The following SPAG17 variants were observed in gnomAD, a reference collection of about 807,000 sequenced individuals.
SPAG17 encodes the protein sperm-associated antigen 17.
A neutral mutation model predicts 273.6 loss-of-function variants in SPAG17; 169 were observed. The ratio of observed to expected loss-of-function variants is 0.62; its 90% CI spans 0.55 to 0.70. SPAG17 has a LOEUF of 0.70. SPAG17 is among the 30% of genes least tolerant of loss of function. The probability of loss-of-function intolerance (pLI) is 0.00; values close to 1 mark genes in which losing one functional copy is unlikely to be tolerated. For synonymous variants in SPAG17, 825 were observed against 873.2 expected (o/e 0.94, Z 0.97); for missense variants, 2,557 against 2,627.8 (o/e 0.97, Z 0.59).
At chr1:118,053,581 T>C (rs1651305994) in intron 20 of SPAG17, among the ~76,000 whole-genome samples, 1 of 151,942 alleles carries the variant, frequency 6.6e-6, no homozygotes, top group Non-Finnish European at 1.5e-5. Context: ...GAAAAAGTAA[T>C]ACATTTACAT....
chr1:118,148,179 TC>T (rs778042959), intron 3 of SPAG17, among the ~76,000 whole-genome samples: 63 of 152,318 alleles, frequency 4.1e-4, no homozygotes, highest in Non-Finnish European at 3.5e-4. Flanking sequence ...TGCAAGACTT[TC>T]GCTCCTCAGG....
chr1:118,139,720 T>G (rs183789558), intron 3 of SPAG17, among the ~76,000 whole-genome samples: 2 of 151,674 alleles, frequency 1.3e-5, no homozygotes, highest in East Asian at 3.9e-4. Flanking sequence ...AAATATTGCA[T>G]GCACTCACAT....
intron 23 of SPAG17, 134 bp downstream of exon 23, chr1:118,039,158 G>T: frequency 1.1e-6 from 1 of 909,548 alleles, no homozygotes; most frequent in South Asian, 1.8e-5. Context: ...GCAACTTCAT[G>T]CACTATTAAT....
intron 28 of SPAG17, among the ~76,000 whole-genome samples, chr1:118,018,853 C>T (rs1246491731): frequency 6.6e-6 from 1 of 151,722 alleles, no homozygotes; most frequent in Admixed American, 6.6e-5. Context: ...ATGAAGACAA[C>T]ATAAAGACAT....
At chr1:118,122,145 C>G (rs915073418) in intron 3 of SPAG17, among the ~76,000 whole-genome samples, 27 of 122,240 alleles carry the variant, frequency 2.2e-4, no homozygotes, top group East Asian at 8.0e-4. Flanking sequence ...CAATGTGTGT[C>G]TGTGTGTCTG....
chr1:118,184,597 G>T (rs1338246760), intron 1 of SPAG17, among the ~76,000 whole-genome samples: 2 of 152,134 alleles, frequency 1.3e-5, no homozygotes, highest in African/African-American at 2.4e-5. Flanking sequence ...ATCTATACAA[G>T]GCTCGCTTGT....
chr1:118,055,818 C>A lies in SPAG17; in HGVS notation c.2637G>T (p.Arg879Ser), dbSNP rs899834408. The A allele has an allele frequency of 6.2e-7, 1 of 1,613,114 alleles. No homozygotes were observed. The highest frequency in any genetic ancestry group is 8.5e-7 in the Non-Finnish European group (1 of 1,179,598). The part of the protein sequence containing the change: ...QESKMNEKII[R>S]TRAELELKSS... ...ATTTCAATTCCAGCTCAGCTCTGGT[C>A]CTGATGATTTTCTCATTCATTTTAG... is the stretch of plus-strand genomic sequence containing the variant. The change falls in exon 19 of 49, where the codon AGG (arginine) becomes AGT (serine). Residue 879 changes from arginine to serine, a missense_variant. Coordinates refer to ENST00000336338, the MANE Select transcript of SPAG17 (RefSeq NM_206996.4).
At chr1:118,014,856 G>A (rs1659812582) in intron 29 of SPAG17, among the ~76,000 whole-genome samples, 1 of 152,126 alleles carries the variant, frequency 6.6e-6, no homozygotes, top group Non-Finnish European at 1.5e-5. Context: ...CTCTAATCCT[G>A]GCTTCAGCAC....
At chr1:118,041,501 G>A (rs528754172) in intron 21 of SPAG17, among the ~76,000 whole-genome samples, 2 of 152,006 alleles carry the variant, frequency 1.3e-5, no homozygotes, top group East Asian at 3.9e-4. Flanking sequence ...CAACTTTTGT[G>A]TTCACTTATT....
chr1:117,972,679 A>G (rs1024494144), intron 44 of SPAG17, among the ~76,000 whole-genome samples: 1 of 152,178 alleles, frequency 6.6e-6, no homozygotes, highest in African/African-American at 2.4e-5. Context: ...ATGCACATTA[A>G]AATTTGAGAC....
At chr1:118,164,852 G>A (rs1182737173) in intron 1 of SPAG17, among the ~76,000 whole-genome samples, 2 of 152,170 alleles carry the variant, frequency 1.3e-5, no homozygotes, top group Non-Finnish European at 2.9e-5. Flanking sequence ...ACATAAATGG[G>A]AATACTACTT....
chr1:118,117,655 A>G (rs1188205277), intron 3 of SPAG17, among the ~76,000 whole-genome samples: 1 of 152,216 alleles, frequency 6.6e-6, no homozygotes, highest in Non-Finnish European at 1.5e-5. Flanking sequence ...AGTGGTGGAC[A>G]GGCAGCCTTG....
At chr1:117,959,631 CA>C in intron 48 of SPAG17, 1 of 539,320 alleles carries the variant, frequency 1.9e-6, no homozygotes, top group East Asian at 3.3e-5. Context: ...GGGCTGGCTC[CA>C]TTTCTTGGAC....
At chr1:118,029,482 T>C (rs1205701362) in intron 25 of SPAG17, among the ~76,000 whole-genome samples, 3 of 152,216 alleles carry the variant, frequency 2.0e-5, no homozygotes, top group Non-Finnish European at 4.4e-5. Context: ...AGAGATATTA[T>C]GTTATTAGGA....
At chr1:118,042,168 G>T in intron 20 of SPAG17, 126 bp from the exon 21 acceptor site, 1 of 1,128,452 alleles carries the variant, frequency 8.9e-7, no homozygotes, top group Non-Finnish European at 1.3e-6. Context: ...TCAAAATACT[G>T]AACTAGAAGC....
chr1:118,020,431 T>G (rs1441007025), intron 28 of SPAG17, among the ~76,000 whole-genome samples: 3 of 149,194 alleles, frequency 2.0e-5, no homozygotes, highest in African/African-American at 7.4e-5. Context: ...TGACACTGTG[T>G]CTCAAGAAAA....
At chr1:118,066,983 C>CT (rs1300890715) in intron 17 of SPAG17, 84 bp from the exon 18 acceptor site, 8 of 1,278,878 alleles carry the variant, frequency 6.3e-6, no homozygotes, top group East Asian at 2.5e-5. Context: ...TCTCTACTCC[C>CT]TTTTTTTCCT....
At chr1:118,020,796 T>C (rs1366250644) in intron 28 of SPAG17, among the ~76,000 whole-genome samples, 1 of 152,148 alleles carries the variant, frequency 6.6e-6, no homozygotes, top group Non-Finnish European at 1.5e-5. Context: ...TTACAGTCGG[T>C]GAAGTAGTAA....
intron 43 of SPAG17, among the ~76,000 whole-genome samples, chr1:117,973,766 A>G (rs978889809): frequency 6.6e-6 from 1 of 152,106 alleles, no homozygotes; most frequent in African/African-American, 2.4e-5. Context: ...ATGCATGATC[A>G]TGCTGCCCAA....
Sources: gnomAD v4.1 joint callset for allele counts (sites outside exome capture counted in the v4.1 genomes callset) on GRCh38, gnomAD v4.1.1 for gene constraint, MANE v1.5 for transcripts, NCBI Gene and HGNC (gene_info 2026-07-23, HGNC 2026-07-21) for gene names.